Variants in CTNNA3 observed in about 807,000 individuals in gnomAD.
CTNNA3 encodes catenin alpha 3.
In CTNNA3, 76 loss-of-function variants were observed where a neutral mutation model predicts 95.7. That is an observed-to-expected ratio of 0.79 (90% CI 0.66 to 0.96). The LOEUF (loss-of-function observed/expected upper bound fraction) is 0.96. CTNNA3 is among the 40% of genes least tolerant of loss of function. The pLI is 0.00. For missense variants in CTNNA3, 1,191 were observed against 1,089.8 expected (o/e 1.09, Z -1.31); for synonymous variants, 431 against 374.4 (o/e 1.15, Z -1.74).
intron 9 of CTNNA3, among the ~76,000 whole-genome samples, chr10:66,685,678 C>T (rs10822873): frequency 0.55 from 83,869 of 151,248 alleles, 23,992 homozygotes; most frequent in African/African-American, 0.68. Context: ...GGCCAAGAAC[C>T]ATATTTTTTT....
chr10:67,248,189 G>A (rs1328511007), intron 5 of CTNNA3, among the ~76,000 whole-genome samples: 5 of 151,974 alleles, frequency 3.3e-5, no homozygotes, highest in African/African-American at 4.8e-5. Context: ...GGGTGTGGTG[G>A]CACGTGCCTG....
intron 5 of CTNNA3, among the ~76,000 whole-genome samples, chr10:67,359,173 T>C (rs544624624): frequency 2.0e-5 from 3 of 148,918 alleles, no homozygotes; most frequent in South Asian, 2.1e-4. Flanking sequence ...CAATTGACTA[T>C]ATACAGTCAA....
chr10:66,375,535 C>T (rs1231983201), intron 12 of CTNNA3, among the ~76,000 whole-genome samples: 1 of 150,844 alleles, frequency 6.6e-6, no homozygotes, highest in Non-Finnish European at 1.5e-5. Flanking sequence ...ACTGCTAGAA[C>T]TAAAACCTTT....
chr10:66,978,526 CAAAAAA>C (rs1170594360), intron 7 of CTNNA3, among the ~76,000 whole-genome samples: 97 of 42,290 alleles, frequency 2.3e-3, no homozygotes, highest in Non-Finnish European at 3.3e-3. Context: ...GACTCCATCT[CAAAAAA>C]AAAAAAAAAA....
At chr10:66,319,113 T>C (rs902718653) in intron 12 of CTNNA3, among the ~76,000 whole-genome samples, 3 of 152,082 alleles carry the variant, frequency 2.0e-5, no homozygotes, top group African/African-American at 7.2e-5. Context: ...TGCTTAGCTC[T>C]TCTGAGCCTT....
At chr10:66,615,768 C>A (rs577581795) in intron 10 of CTNNA3, among the ~76,000 whole-genome samples, 2 of 152,056 alleles carry the variant, frequency 1.3e-5, no homozygotes, top group East Asian at 3.9e-4. Flanking sequence ...GTTTGAAATT[C>A]ATTGAACAAG....
At chr10:66,823,409 A>G (rs1842371190) in intron 7 of CTNNA3, among the ~76,000 whole-genome samples, 1 of 152,180 alleles carries the variant, frequency 6.6e-6, no homozygotes, top group Admixed American at 6.5e-5. Context: ...TTTCTTAAAC[A>G]ATTATTTCCT....
At chr10:66,353,450 T>C (rs552213752) in intron 12 of CTNNA3, among the ~76,000 whole-genome samples, 1 of 152,244 alleles carries the variant, frequency 6.6e-6, no homozygotes, top group South Asian at 2.1e-4. Context: ...TCTGTTGGTA[T>C]GCACAAAAAT....
chr10:67,105,470 ACACCTTGT>A (rs989885009), intron 7 of CTNNA3, among the ~76,000 whole-genome samples: 1 of 152,168 alleles, frequency 6.6e-6, no homozygotes, highest in Non-Finnish European at 1.5e-5. Context: ...TAATTCACAT[ACACCTTGT>A]CAAAACCTGA....
intron 5 of CTNNA3, among the ~76,000 whole-genome samples, chr10:67,475,549 T>C (rs1589330834): frequency 6.6e-6 from 1 of 152,350 alleles, no homozygotes; most frequent in Non-Finnish European, 1.5e-5. Context: ...TATATCCCTA[T>C]AGTACTTCAG....
At chr10:67,046,390 T>C (rs1490701674) in intron 7 of CTNNA3, among the ~76,000 whole-genome samples, 1 of 152,220 alleles carries the variant, frequency 6.6e-6, no homozygotes, top group East Asian at 1.9e-4. Context: ...CAGTTATCTC[T>C]ACCAGAGTAA....
At chr10:66,049,472 A>G (rs1282005927) in intron 15 of CTNNA3, among the ~76,000 whole-genome samples, 1 of 152,200 alleles carries the variant, frequency 6.6e-6, no homozygotes, top group African/African-American at 2.4e-5. Context: ...ATTCTATCAT[A>G]AAGACACATG....
At chr10:67,182,288 C>G (rs1349640786) in intron 6 of CTNNA3, among the ~76,000 whole-genome samples, 1 of 152,176 alleles carries the variant, frequency 6.6e-6, no homozygotes, top group Admixed American at 6.5e-5. Flanking sequence ...TGACTTTAAA[C>G]TACACCACAA....
intron 7 of CTNNA3, among the ~76,000 whole-genome samples, chr10:67,067,011 T>C (rs1856134205): frequency 1.3e-5 from 2 of 152,312 alleles, no homozygotes; most frequent in African/African-American, 4.8e-5. Flanking sequence ...TAGGCAATTA[T>C]GTGTCAATTC....
At chr10:67,407,221 T>C (rs1377851674) in intron 5 of CTNNA3, among the ~76,000 whole-genome samples, 2 of 152,194 alleles carry the variant, frequency 1.3e-5, no homozygotes, top group African/African-American at 4.8e-5. Context: ...TTATCTACCA[T>C]GATTAAGTAG....
At chr10:67,479,291 T>C (rs900625198) in intron 5 of CTNNA3, among the ~76,000 whole-genome samples, 1 of 152,140 alleles carries the variant, frequency 6.6e-6, no homozygotes, top group Non-Finnish European at 1.5e-5. Context: ...CCAGAGAATA[T>C]ATAATACATT....
chr10:67,652,375 G>C (rs1437787323), intron 1 of CTNNA3, among the ~76,000 whole-genome samples: 1 of 152,136 alleles, frequency 6.6e-6, no homozygotes, highest in African/African-American at 2.4e-5. Flanking sequence ...GAAAGTTTCT[G>C]TTATCACATC....
rs191030049 is a variant in CTNNA3, at chr10:66,283,195, A to G, written c.1733-2574T>C. ...AAACTACTACTCTAAAGAACAGGAC[A>G]AAATGGCTTCTAGCCTCTGTGATAT... On this transcript the variant is annotated intron_variant, in intron 12 of 17. Coordinates refer to ENST00000433211, the MANE Select transcript of CTNNA3 (RefSeq NM_013266.4). 2.1e-4 allele frequency among the ~76,000 whole-genome samples: 32 copies of G among 151,970 alleles called. 1 individual carries two copies. The East Asian group carries it at 6.2e-3, about 29-fold the overall frequency.
intron 15 of CTNNA3, among the ~76,000 whole-genome samples, chr10:66,017,455 C>T (rs993988977): frequency 3.9e-5 from 6 of 151,978 alleles, no homozygotes; most frequent in Admixed American, 3.3e-4. Flanking sequence ...CTAAAGCTCT[C>T]CATGAATTCT....
Sources: gnomAD v4.1 joint callset for allele counts (sites outside exome capture counted in the v4.1 genomes callset) on GRCh38, gnomAD v4.1.1 for gene constraint, MANE v1.5 for transcripts, NCBI Gene and HGNC (gene_info 2026-07-23, HGNC 2026-07-21) for gene names.